PRDM15: variants seen among roughly 807,000 people sequenced by gnomAD.
PRDM15 encodes the protein PR domain zinc finger protein 15.
A neutral mutation model predicts 128.6 loss-of-function variants in PRDM15; 64 were observed. The observed-to-expected ratio is 0.50, with a 90% CI of 0.41 to 0.61. PRDM15 has a LOEUF of 0.61. PRDM15 is among the 20% of genes least tolerant of loss of function. The pLI is 0.00. For synonymous variants in PRDM15, 615 were observed against 621.8 expected (o/e 0.99, Z 0.16); for missense variants, 1,242 against 1,569.1 (o/e 0.79, Z 3.52).
intron 6 of PRDM15, among the ~76,000 whole-genome samples, chr21:41,845,816 AAC>A (rs2063247063): frequency 6.6e-6 from 1 of 152,120 alleles, no homozygotes; most frequent in African/African-American, 2.4e-5. Context: ...ATTAAGAAGA[AAC>A]ACAAATGAGC....
At chr21:41,867,148 CACT>C in intron 1 of PRDM15, 1 of 361,892 alleles carries the variant, frequency 2.8e-6, no homozygotes, top group Non-Finnish European at 5.1e-6. Flanking sequence ...CCAGAAACCT[CACT>C]GACTATCTGA....
At chr21:41,833,660 A>G (rs2839386) in intron 11 of PRDM15, among the ~76,000 whole-genome samples, 64,808 of 152,080 alleles carry the variant, frequency 0.43, 14,188 homozygotes, top group East Asian at 0.57. Context: ...AAACTAGAAC[A>G]TCTCAGGGGA....
At chr21:41,819,734 A>T in intron 17 of PRDM15, 33 bp from the exon 18 acceptor site, 1 of 1,574,448 alleles carries the variant, frequency 6.4e-7, no homozygotes, top group Non-Finnish European at 8.6e-7. Context: ...CTCAGAGCCG[A>T]GCAGCTCCGA....
Position 41,810,770 on chromosome 21 carries a change from T to C in PRDM15, c.2459A>G (p.His820Arg). 6.2e-7 allele frequency: 1 copy of C among 1,614,106 alleles called. No homozygotes were observed. Among genetic ancestry groups the C allele is most frequent in the South Asian group, 1.1e-5 (1 of 91,088 alleles). ...CCGCTCACCTGTGTGGATGAGCTTG[T>C]GGGTCTCCATGGTGTTCCTCTCGCT... is the stretch of plus-strand genomic sequence containing the variant. Reference protein sequence around the residue: ...TFSERNTMETHKLIHTVGKQW... With the variant: ...TFSERNTMETRKLIHTVGKQW... Residue 820 changes from histidine to arginine, a missense_variant, in exon 20 of 24, where the codon CAC becomes CGC. Around this residue, in one of 3 missense-constraint regions of PRDM15, gnomAD observed 602 missense variants for 788.3 expected, o/e 0.76. Coordinates refer to ENST00000398548, the MANE Select transcript of PRDM15 (RefSeq NM_001040424.3). This position sits in a 1 kb window ranked among gnomAD's most constrained non-coding sequence, Gnocchi z 6.4.
At chr21:41,823,598 A>G in intron 13 of PRDM15, 149 bp from the exon 14 acceptor site, 1 of 776,340 alleles carries the variant, frequency 1.3e-6, no homozygotes, top group Non-Finnish European at 2.0e-6. Flanking sequence ...TCAGTGTGTG[A>G]GAGACACAAA....
At chr21:41,815,529 C>T (rs2062019348) in intron 19 of PRDM15, among the ~76,000 whole-genome samples, 176 bp downstream of exon 19, 1 of 152,218 alleles carries the variant, frequency 6.6e-6, no homozygotes, top group Non-Finnish European at 1.5e-5. Flanking sequence ...GGAGGGGGAC[C>T]TTTTGAGATA....
intron 11 of PRDM15, among the ~76,000 whole-genome samples, chr21:41,830,777 G>A (rs1601265227): frequency 1.3e-5 from 2 of 152,312 alleles, no homozygotes; most frequent in East Asian, 1.9e-4. Context: ...CTGCATCCCA[G>A]ACCTCATCTC....
At chr21:41,831,056 G>A (rs981010776) in intron 11 of PRDM15, among the ~76,000 whole-genome samples, 1 of 152,268 alleles carries the variant, frequency 6.6e-6, no homozygotes, top group East Asian at 1.9e-4. Context: ...TGACAGCTGG[G>A]TGACCCAGGA....
At chr21:41,826,542 C>T (rs547974409) in intron 12 of PRDM15, among the ~76,000 whole-genome samples, 4 of 152,238 alleles carry the variant, frequency 2.6e-5, no homozygotes, top group Admixed American at 6.5e-5. Flanking sequence ...GTAAATACAA[C>T]CTTTATGGTT....
At chr21:41,807,676 C>T (rs952272566) in intron 21 of PRDM15, among the ~76,000 whole-genome samples, 6 of 152,260 alleles carry the variant, frequency 3.9e-5, no homozygotes, top group Non-Finnish European at 8.8e-5. Context: ...CCTGGCTGGC[C>T]GGCCCATCAC....
At chr21:41,806,093 T>TCAC (rs1568880492) in intron 21 of PRDM15, among the ~76,000 whole-genome samples, 4 of 2,300 alleles carry the variant, frequency 1.7e-3, no homozygotes, top group Admixed American at 0.011. Context: ...ACCACCACCA[T>TCAC]CACCACCACC....
chr21:41,852,311 G>A (rs2063453957), intron 5 of PRDM15, among the ~76,000 whole-genome samples: 1 of 152,254 alleles, frequency 6.6e-6, no homozygotes, highest in African/African-American at 2.4e-5. Flanking sequence ...AGTCTGGGCT[G>A]GCCGTGGGCA....
intron 21 of PRDM15, among the ~76,000 whole-genome samples, chr21:41,808,400 A>G (rs1478946870): frequency 6.6e-6 from 1 of 152,238 alleles, no homozygotes; most frequent in Non-Finnish European, 1.5e-5. Flanking sequence ...ACTGGAGAGC[A>G]GGTTGAGTCC....
At chr21:41,858,882 G>A (rs998655993) in intron 3 of PRDM15, 1 of 604,734 alleles carries the variant, frequency 1.7e-6, no homozygotes, top group East Asian at 2.9e-5. Flanking sequence ...GGAGGCTCCT[G>A]GAAACAGTTC....
Position 41,810,690 on chromosome 21 carries a change from C to T in PRDM15, c.2476+63G>A. The T allele has an allele frequency of 7.5e-7, 1 of 1,332,686 alleles. No homozygotes were observed. Among genetic ancestry groups the T allele is most frequent in the Non-Finnish European group, 1.1e-6 (1 of 926,436 alleles). 82.6% of individuals were successfully genotyped at this position (1,332,686 alleles called of 1,614,324 possible). On this transcript the variant is annotated intron_variant, in intron 20 of 23. Coordinates refer to ENST00000398548, the MANE Select transcript of PRDM15 (RefSeq NM_001040424.3). This position sits in a 1 kb window ranked among gnomAD's most constrained non-coding sequence, Gnocchi z 6.4. Reference sequence around the variant, plus strand: ...ATAGTCGTTTCCACCCCAGCAGGCACTCAGACAGCCCCGGCAGCCTGCCGC... The same window carrying T: ...ATAGTCGTTTCCACCCCAGCAGGCATTCAGACAGCCCCGGCAGCCTGCCGC...
intron 3 of PRDM15, among the ~76,000 whole-genome samples, chr21:41,857,677 C>G (rs2063679387): frequency 1.3e-5 from 2 of 152,164 alleles, no homozygotes; most frequent in African/African-American, 4.8e-5. Context: ...AGTAGGATGG[C>G]TGAACCCGGG....
chr21:41,849,061 G>GT (rs1482513908), intron 5 of PRDM15, among the ~76,000 whole-genome samples: 2 of 152,232 alleles, frequency 1.3e-5, no homozygotes, highest in African/African-American at 4.8e-5. Context: ...AAAGTAAGCA[G>GT]TAAGATGGGA....
intron 5 of PRDM15, among the ~76,000 whole-genome samples, chr21:41,849,666 G>A (rs779044095): frequency 2.0e-5 from 3 of 150,910 alleles, no homozygotes; most frequent in African/African-American, 7.3e-5. Flanking sequence ...GGCCAGTGAG[G>A]TGGCTCATGC....
At position 41,815,713 on chromosome 21, in the gene PRDM15, C is replaced by T. The variant is rs1325006511; in HGVS notation, c.2384G>A (p.Arg795Gln). The T allele has an allele frequency of 3.1e-6, 5 of 1,613,624 alleles. No homozygotes were observed. The highest frequency in any genetic ancestry group is 4.2e-6 in the Non-Finnish European group (5 of 1,179,936). Residue 795 changes from arginine to glutamine, a missense_variant, in exon 19 of 24, where the codon CGG becomes CAG. By Grantham distance (43) the Arg-to-Gln change is conservative. This residue lies in a region of PRDM15 where 602 missense variants were observed against 788.3 expected (regional missense o/e 0.76). Transcript: ENST00000398548. ...CCGGGCCTCGGACTCACCCGTGTGC[C>T]GCTTGCAGTGCTTGAGCATGTTGAC... is the stretch of plus-strand genomic sequence containing the variant. ...QKVNMLKHCKRHTGIKDFMCE... is the reference protein window; with the variant it reads ...QKVNMLKHCKQHTGIKDFMCE...
Sources: allele counts gnomAD v4.1 joint callset (sites outside exome capture counted in the v4.1 genomes callset), GRCh38; gene constraint gnomAD v4.1.1; regional missense constraint gnomAD v4.1.1; non-coding constraint Gnocchi (gnomAD v3.1); transcripts MANE v1.5; gene names NCBI Gene and HGNC (gene_info 2026-07-23, HGNC 2026-07-21).